The following RANBP2 variants were observed in gnomAD, a reference collection of about 807,000 sequenced individuals.
The protein encoded by RANBP2 is E3 SUMO-protein ligase RanBP2.
In RANBP2, 57 loss-of-function variants were observed where a neutral mutation model predicts 303.6. The observed-to-expected ratio is 0.19, with a 90% CI of 0.15 to 0.23. The LOEUF is 0.23. RANBP2 is among the 10% of genes least tolerant of loss of function. The probability of loss-of-function intolerance (pLI) is 1.00; values close to 1 mark genes in which losing one functional copy is unlikely to be tolerated. For missense variants in RANBP2, 3,138 were observed against 3,780.8 expected (o/e 0.83, Z 4.46); for synonymous variants, 1,167 against 1,301.5 (o/e 0.90, Z 2.23).
At chr2:109,088,169 T>C in the RANBP2 span, among the ~76,000 whole-genome samples, 3 of 151,472 alleles carry the variant, frequency 2.0e-5, no homozygotes, top group African/African-American at 7.3e-5. Flanking sequence ...GAGGCCGAGG[T>C]GGGCGGATCA....
chr2:108,953,670 A>C, the RANBP2 span, among the ~76,000 whole-genome samples: 3 of 152,210 alleles, frequency 2.0e-5, no homozygotes, highest in South Asian at 6.2e-4. Context: ...TCATTGTCGG[A>C]TGGATGTGAC....
the RANBP2 span, among the ~76,000 whole-genome samples, chr2:109,326,435 C>G: frequency 6.6e-6 from 1 of 152,066 alleles, no homozygotes; most frequent in African/African-American, 2.4e-5. Flanking sequence ...GATGGCTTGG[C>G]GATCAGGCAG....
chr2:109,309,658 T>G, the RANBP2 span, among the ~76,000 whole-genome samples: 1 of 127,740 alleles, frequency 7.8e-6, no homozygotes. Flanking sequence ...TGGAGGAAGA[T>G]CTACCAAGCA....
the RANBP2 span, chr2:109,544,464 C>A: frequency 7.3e-7 from 1 of 1,378,228 alleles, no homozygotes. Flanking sequence ...AACACCAAAC[C>A]ATATTTTCTT....
chr2:109,121,316 C>T, the RANBP2 span, among the ~76,000 whole-genome samples: 114 of 152,158 alleles, frequency 7.5e-4, 4 homozygotes, highest in Admixed American at 3.2e-3. Context: ...TTCTACCTAA[C>T]CAGGGACCTG....
the RANBP2 span, among the ~76,000 whole-genome samples, chr2:109,381,357 T>C: frequency 6.6e-6 from 1 of 152,212 alleles, no homozygotes; most frequent in East Asian, 1.9e-4. Context: ...CACTTTCCAC[T>C]GAGCAGGTCA....
At chr2:109,519,588 A>G in the RANBP2 span, among the ~76,000 whole-genome samples, 2 of 152,242 alleles carry the variant, frequency 1.3e-5, no homozygotes, top group Non-Finnish European at 2.9e-5. Flanking sequence ...ACTGGTCTCC[A>G]GGGTCAGTTG....
chr2:109,445,294 A>C, the RANBP2 span, among the ~76,000 whole-genome samples: 1 of 152,224 alleles, frequency 6.6e-6, no homozygotes. Context: ...GAATTCTCCA[A>C]AATTGAAGAG....
At chr2:109,175,709 G>T in the RANBP2 span, among the ~76,000 whole-genome samples, 4 of 152,190 alleles carry the variant, frequency 2.6e-5, no homozygotes, top group African/African-American at 9.6e-5. Context: ...GACTTTTCTA[G>T]GTAGAGTGTA....
the RANBP2 span, among the ~76,000 whole-genome samples, chr2:109,559,917 T>C: frequency 6.7e-6 from 1 of 148,862 alleles, no homozygotes; most frequent in African/African-American, 2.5e-5. Flanking sequence ...ATGCCTTTTT[T>C]TTTTTTTTTT....
At chr2:109,343,636 C>A in the RANBP2 span, among the ~76,000 whole-genome samples, 780 of 152,262 alleles carry the variant, frequency 5.1e-3, 5 homozygotes, top group African/African-American at 0.016. Context: ...CAGACTCGAG[C>A]CCAGCAGGTG....
chr2:109,279,226 G>A, the RANBP2 span, among the ~76,000 whole-genome samples: 3 of 152,190 alleles, frequency 2.0e-5, no homozygotes, highest in Non-Finnish European at 2.9e-5. Flanking sequence ...TTAGCTTGTC[G>A]AGAGCCCTGC....
At chr2:108,933,050 A>G in the RANBP2 span, among the ~76,000 whole-genome samples, 7 of 152,202 alleles carry the variant, frequency 4.6e-5, no homozygotes, top group Non-Finnish European at 8.8e-5. Context: ...CATTGCAACA[A>G]ATAAACACCC....
the RANBP2 span, among the ~76,000 whole-genome samples, chr2:109,452,852 G>T: frequency 1.3e-5 from 2 of 150,586 alleles, no homozygotes; most frequent in Non-Finnish European, 3.0e-5. Context: ...GTCCCTGGGA[G>T]GCTGGTCCCG....
downstream of RANBP2, chr2:108,787,903 G>A (rs906519760): frequency 6.4e-6 from 5 of 778,448 alleles, no homozygotes; most frequent in Non-Finnish European, 9.9e-6. Context: ...TTGATCACTT[G>A]GTTAAGATGG....
chr2:109,708,901 C>T, the RANBP2 span, among the ~76,000 whole-genome samples: 3 of 151,786 alleles, frequency 2.0e-5, no homozygotes, highest in Non-Finnish European at 2.9e-5. Flanking sequence ...CGCTTGAACC[C>T]GGGAGGCAGG....
At chr2:109,578,355 C>G in the RANBP2 span, among the ~76,000 whole-genome samples, 2 of 152,102 alleles carry the variant, frequency 1.3e-5, no homozygotes, top group Non-Finnish European at 2.9e-5. Flanking sequence ...ACCAAACATA[C>G]ATAGGAAAGC....
At chr2:109,664,748 G>A in the RANBP2 span, among the ~76,000 whole-genome samples, 1 of 152,200 alleles carries the variant, frequency 6.6e-6, no homozygotes, top group East Asian at 1.9e-4. Context: ...TGGCTAACAT[G>A]GTGAAACCCT....
At chr2:109,186,449 C>T in the RANBP2 span, among the ~76,000 whole-genome samples, 2 of 152,326 alleles carry the variant, frequency 1.3e-5, no homozygotes, top group East Asian at 1.9e-4. Flanking sequence ...AACACTTCAC[C>T]GCCGTGCTGG....
Sources: allele counts gnomAD v4.1 joint callset (sites outside exome capture counted in the v4.1 genomes callset), GRCh38; gene constraint gnomAD v4.1.1; transcripts MANE v1.5; gene names NCBI Gene and HGNC (gene_info 2026-07-23, HGNC 2026-07-21).